The following CCDC82 variants were observed in gnomAD, a reference collection of about 807,000 sequenced individuals.
CCDC82 encodes the protein coiled-coil domain-containing protein 82.
In CCDC82, 47 loss-of-function variants were observed where a neutral mutation model predicts 60.6. The observed-to-expected ratio is 0.77, with a 90% confidence interval of 0.61 to 0.99. The LOEUF (loss-of-function observed/expected upper bound fraction) is 0.99, where lower values mean the gene tolerates loss of function less well. Ranked by LOEUF, CCDC82 falls within the 50% of genes least tolerant of loss-of-function variation. CCDC82 has a pLI of 0.00. For missense variants in CCDC82, 588 were observed against 633.0 expected (o/e 0.93, Z 0.76); for synonymous variants, 212 against 207.4 (o/e 1.02, Z -0.19).
intron 7 of CCDC82, 52 bp downstream of exon 7, chr11:96,370,961 G>T: frequency 7.0e-7 from 1 of 1,430,798 alleles, no homozygotes; most frequent in South Asian, 1.7e-5. Flanking sequence ...AAAATCCTGA[G>T]AGGTTTGCTG....
In CCDC82 at chr11:96,384,038, C is replaced by T. The variant is rs546513208; in HGVS notation, c.710G>A (p.Arg237Gln). The change falls in exon 4 of 10, where the codon CGA (arginine) becomes CAA (glutamine). Residue 237 changes from arginine to glutamine, a missense_variant. Transcript: ENST00000646818. ...TTCTTTGAGCTTCTGAAGTTTTTCT[C>T]GCTTTTGTGCAGCTAATGTTTTTTC... ...TPEKTLAAQK[R>Q]EKLQKLKELS... 1.7e-4 allele frequency: 274 copies of T among 1,613,648 alleles called. No individual in the cohort carries two copies. Among genetic ancestry groups the T allele is most frequent in the Non-Finnish European group, 2.3e-4 (266 of 1,179,686 alleles).
chr11:96,383,540 T>C, intron 4 of CCDC82, 67 bp from the exon 5 acceptor site: 2 of 1,003,122 alleles, frequency 2.0e-6, no homozygotes, highest in Non-Finnish European at 2.9e-6. Flanking sequence ...GATATAAAAT[T>C]AAAACATTAA....
chr11:96,359,253 T>A (rs1249958673), intron 8 of CCDC82, 75 bp from the exon 9 acceptor site: 1 of 1,212,278 alleles, frequency 8.2e-7, no homozygotes, highest in East Asian at 2.7e-5. Context: ...TCTTTAGTAG[T>A]AGAATCAAAA....
At chr11:96,362,715 C>T (rs1864729026) in intron 8 of CCDC82, among the ~76,000 whole-genome samples, 1 of 152,158 alleles carries the variant, frequency 6.6e-6, no homozygotes, top group Non-Finnish European at 1.5e-5. Flanking sequence ...ACCAAAATTA[C>T]TCTTCCCCCA....
At chr11:96,372,245 C>A (rs1462179386) in intron 6 of CCDC82, among the ~76,000 whole-genome samples, 2 of 152,180 alleles carry the variant, frequency 1.3e-5, no homozygotes, top group Non-Finnish European at 2.9e-5. Flanking sequence ...TGTTTAAAAG[C>A]TACCCCAAGA....
At chr11:96,368,037 T>G (rs1865044873) in intron 7 of CCDC82, among the ~76,000 whole-genome samples, 2 of 152,024 alleles carry the variant, frequency 1.3e-5, no homozygotes, top group South Asian at 4.2e-4. Context: ...GCCAGTCTGG[T>G]CTCAAACTCC....
At chr11:96,386,568 C>T (rs1049540839) in intron 2 of CCDC82, 14 of 152,112 alleles carry the variant, frequency 9.2e-5, no homozygotes, top group African/African-American at 3.4e-4. Context: ...CGATATGTTT[C>T]GATTTTTAAA....
chr11:96,364,991 G>A lies in CCDC82; in HGVS notation c.1369C>T (p.His457Tyr), dbSNP rs1457199867. Residue 457 changes from histidine (H) to tyrosine (Y), a missense_variant, in exon 8 of 10, where the codon CAT (histidine) becomes TAT (tyrosine). His to Tyr is a moderately conservative substitution (Grantham distance 83). Transcript: ENST00000646818. ...AGGGAAGAAAATACCTGTTTATCAT[G>A]TGACATGAAATTATCTATTTGCATG... is the stretch of plus-strand genomic sequence containing the variant. ...RTMQIDNFMS[H>Y]DKQVFTVGRI... 3 of 1,598,674 alleles carry A rather than the reference G, an allele frequency of 1.9e-6. No individual in the cohort carries two copies. Among genetic ancestry groups the A allele is most frequent in the East Asian group, 4.5e-5 (2 of 44,374 alleles).
In CCDC82 at chr11:96,353,572, CAT is replaced by C. The variant is rs1786754206; in HGVS notation, c.*72_*73del. 2 of 1,113,950 alleles carry C rather than the reference CAT, an allele frequency of 1.8e-6. No individual in the cohort carries two copies. The highest frequency in any genetic ancestry group is 1.3e-5 in the South Asian group (1 of 79,180). 69.0% of individuals were successfully genotyped at this position (1,113,950 alleles called of 1,614,324 possible). ...ATAGATAAAATGTACAAACATGTCA[CAT>C]GATACAGAAAAACAAGAATCATGAT... On this transcript the variant is annotated 3_prime_UTR_variant, in exon 10 of 10. Coordinates refer to ENST00000646818, the MANE Select transcript of CCDC82 (RefSeq NM_024725.4).
chr11:96,370,872 T>A (rs1387649741), intron 7 of CCDC82, 141 bp downstream of exon 7: 1 of 659,652 alleles, frequency 1.5e-6, no homozygotes, highest in Admixed American at 3.8e-5. Flanking sequence ...TAATAACTTT[T>A]AGAAGATGTG....
chr11:96,354,614 G>A (rs1435599606), intron 9 of CCDC82: 1 of 152,144 alleles, frequency 6.6e-6, no homozygotes, highest in East Asian at 1.9e-4. Flanking sequence ...CCAAATCTGA[G>A]TCATGGCAAT....
intron 5 of CCDC82, among the ~76,000 whole-genome samples, chr11:96,377,423 CTTTT>C (rs1865646695): frequency 1.3e-5 from 2 of 151,886 alleles, no homozygotes; most frequent in African/African-American, 4.8e-5. Context: ...AGTTATATTT[CTTTT>C]GTTTTCATGT....
At chr11:96,380,586 A>C (rs540453223) in intron 5 of CCDC82, 1 of 151,934 alleles carries the variant, frequency 6.6e-6, no homozygotes, top group East Asian at 1.9e-4. Context: ...AGCAACCAAG[A>C]TGTCTTTCAA....
At chr11:96,383,797 A>G (rs1304382734) in intron 4 of CCDC82, among the ~76,000 whole-genome samples, 165 bp downstream of exon 4, 2 of 152,026 alleles carry the variant, frequency 1.3e-5, no homozygotes, top group African/African-American at 4.8e-5. Context: ...ATAAAACAGT[A>G]TATTACGTAC....
chr11:96,358,173 T>C, intron 9 of CCDC82: 6 of 990,794 alleles, frequency 6.1e-6, no homozygotes, highest in Non-Finnish European at 7.2e-6. Context: ...CAAGTTAGGC[T>C]TTTTTCTTTT....
chr11:96,385,072 A>G lies in CCDC82; in HGVS notation c.-14-311T>C, dbSNP rs892552196. On this transcript the variant is annotated intron_variant, in intron 3 of 9. Coordinates refer to ENST00000646818, the MANE Select transcript of CCDC82 (RefSeq NM_024725.4). ...TAGAACTAAAATATCTAAAACATAT[A>G]ATAATTAAGAAAATTTCAAGGTAAT... 12 of 179,468 alleles carry G rather than the reference A, an allele frequency of 6.7e-5. No homozygotes were observed. The East Asian group carries it at 1.8e-3, about 27-fold the overall frequency. 11.1% of individuals were successfully genotyped at this position (179,468 alleles called of 1,614,324 possible).
chr11:96,360,197 T>TAC (rs1565301278), intron 8 of CCDC82, among the ~76,000 whole-genome samples: 1 of 124,352 alleles, frequency 8.0e-6, no homozygotes, highest in South Asian at 2.5e-4. Context: ...TATATATATA[T>TAC]ATTTTTTTTG....
chr11:96,384,004 T>G lies in CCDC82; in HGVS notation c.744A>C (p.Lys248Asn), dbSNP rs142795035. Residue 248 changes from lysine (K) to asparagine (N), a missense_variant, in exon 4 of 10, where the codon AAA becomes AAC. Coordinates refer to ENST00000646818, the MANE Select transcript of CCDC82 (RefSeq NM_024725.4). ...EKLQKLKELS[K>N]QRSRQRRSSG... Reference sequence around the variant, plus strand: ...TACTGCGTCTCTGACGAGATCTTTGTTTTGAGAGTTCTTTGAGCTTCTGAA... The same window carrying G: ...TACTGCGTCTCTGACGAGATCTTTGGTTTGAGAGTTCTTTGAGCTTCTGAA... 4 of 1,613,246 alleles carry G rather than the reference T, an allele frequency of 2.5e-6. No individual in the cohort carries two copies. In the African/African-American group the frequency reaches 4.0e-5, roughly 16 times the overall value.
chr11:96,368,912 A>G (rs1160443648), intron 7 of CCDC82, among the ~76,000 whole-genome samples: 2 of 151,038 alleles, frequency 1.3e-5, no homozygotes, highest in East Asian at 1.9e-4. Context: ...CATTTTGTCT[A>G]CTCTGAAAAA....
Sources: allele counts gnomAD v4.1 joint callset (sites outside exome capture counted in the v4.1 genomes callset), GRCh38; gene constraint gnomAD v4.1.1; transcripts MANE v1.5; gene names NCBI Gene and HGNC (gene_info 2026-07-23, HGNC 2026-07-21).